RGL1: variants seen among roughly 807,000 people sequenced by gnomAD.
RGL1 encodes the protein ral guanine nucleotide dissociation stimulator like 1.
In RGL1, 24 loss-of-function variants were observed where a neutral mutation model predicts 95.2. That is an observed-to-expected ratio of 0.25 (90% confidence interval 0.18 to 0.35). The LOEUF is 0.35. RGL1 is among the 10% of genes least tolerant of loss of function. The probability of loss-of-function intolerance (pLI) is 1.00; values close to 1 mark genes in which losing one functional copy is unlikely to be tolerated. For synonymous variants in RGL1, 329 were observed against 344.9 expected, an observed-to-expected ratio of 0.95 and a Z score of 0.51; for missense variants, 715 against 936.3, an observed-to-expected ratio of 0.76 and a Z score of 3.08.
intron 2 of RGL1, among the ~76,000 whole-genome samples, chr1:183,775,037 T>G (rs1054497242): frequency 6.6e-6 from 1 of 152,200 alleles, no homozygotes; most frequent in Non-Finnish European, 1.5e-5. Context: ...TTCTCATACA[T>G]TATTACATTT....
intron 1 of RGL1, among the ~76,000 whole-genome samples, chr1:183,660,343 A>G (rs1306736134): frequency 6.6e-6 from 1 of 152,078 alleles, no homozygotes. Context: ...CAGAGGCTCA[A>G]AATAAAGGGA....
chr1:183,714,679 G>A (rs913392294), intron 1 of RGL1, among the ~76,000 whole-genome samples: 3 of 152,164 alleles, frequency 2.0e-5, no homozygotes, highest in African/African-American at 7.2e-5. Context: ...TCTTTCCATA[G>A]TACTGTCACA....
intron 16 of RGL1, among the ~76,000 whole-genome samples, chr1:183,916,937 A>G (rs1185454178): frequency 2.0e-5 from 3 of 152,230 alleles, no homozygotes; most frequent in Admixed American, 6.5e-5. Context: ...TATATAGGAT[A>G]TAATTTTCAC....
At chr1:183,798,675 T>G (rs1452683886) in intron 2 of RGL1, among the ~76,000 whole-genome samples, 1 of 152,084 alleles carries the variant, frequency 6.6e-6, no homozygotes, top group East Asian at 1.9e-4. Flanking sequence ...CTTGTATAAT[T>G]GAAACTTGGC....
At chr1:183,802,600 CAAAAAAA>C (rs34038144), upstream of RGL1, among the ~76,000 whole-genome samples, 9 of 90,070 alleles carry the variant, frequency 1.0e-4, no homozygotes, top group African/African-American at 3.2e-4. Context: ...GGTGTATCAG[CAAAAAAA>C]AAAAAAAAAA....
At chr1:183,717,892 A>G (rs575791049) in intron 1 of RGL1, among the ~76,000 whole-genome samples, 1 of 152,208 alleles carries the variant, frequency 6.6e-6, no homozygotes, top group African/African-American at 2.4e-5. Context: ...GAGCAAATAC[A>G]TCCTCTCAGG....
At chr1:183,851,040 A>G (rs1451739059) in intron 3 of RGL1, among the ~76,000 whole-genome samples, 1 of 152,172 alleles carries the variant, frequency 6.6e-6, no homozygotes, top group Non-Finnish European at 1.5e-5. Context: ...ATATTTTTTA[A>G]ATCTTTTCTT....
intron 1 of RGL1, among the ~76,000 whole-genome samples, chr1:183,675,822 T>TA (rs1652792905): frequency 6.6e-6 from 1 of 152,134 alleles, no homozygotes; most frequent in African/African-American, 2.4e-5. Context: ...GGTTGTGAAA[T>TA]AATTTTAATT....
intron 2 of RGL1, among the ~76,000 whole-genome samples, chr1:183,748,190 A>T (rs1430832718): frequency 6.6e-6 from 1 of 151,614 alleles, no homozygotes; most frequent in Non-Finnish European, 1.5e-5. Context: ...ATCATTTTTT[A>T]TTGTGTCTAT....
In RGL1 at chr1:183,880,674, C is replaced by T; in HGVS notation, c.484C>T (p.Pro162Ser). Residue 162 changes from proline (P) to serine (S), a missense_variant, in exon 5 of 18, where the codon CCC becomes TCC. Pro to Ser is a moderately conservative substitution (Grantham distance 74). Transcript: ENST00000360851. ...CCAGTGTGCAGAAGACTTCCGAGAG[C>T]CCCCTCACTTCCCTTGCTTACAGAA... is the stretch of plus-strand genomic sequence containing the variant. ...LDQCAEDFRE[P>S]PHFPCLQKLL... is the part of the protein sequence containing the mutation. 2 of 1,613,926 alleles carry T rather than the reference C, an allele frequency of 1.2e-6. No homozygotes were observed. The highest frequency in any genetic ancestry group is 1.7e-6 in the Non-Finnish European group (2 of 1,179,840).
rs569667699 is a variant in RGL1, at chr1:183,812,414, T to C, written c.138+5929T>C. 5.9e-5 allele frequency among the ~76,000 whole-genome samples: 9 copies of C among 152,312 alleles called. No homozygotes were observed. The South Asian group carries it at 1.9e-3, about 32-fold the overall frequency. ...TCCAGTGTGAACTCCCTCGCTGCTG[T>C]TGCATATTTCTATATGATTCTGTCA... On this transcript the variant is annotated intron_variant, in intron 2 of 17. Transcript: ENST00000360851.
chr1:183,712,038 A>G (rs1266117000), intron 1 of RGL1, among the ~76,000 whole-genome samples: 1 of 152,234 alleles, frequency 6.6e-6, no homozygotes, highest in East Asian at 1.9e-4. Context: ...TGTAATTAAA[A>G]TGAACATAAA....
At chr1:183,852,051 A>G (rs756702530) in intron 3 of RGL1, among the ~76,000 whole-genome samples, 7 of 152,328 alleles carry the variant, frequency 4.6e-5, no homozygotes, top group Middle Eastern at 3.4e-3. Context: ...TTGTGAAATT[A>G]ACACTGAGAC....
At chr1:183,819,823 C>T (rs954516809) in intron 2 of RGL1, among the ~76,000 whole-genome samples, 10 of 149,408 alleles carry the variant, frequency 6.7e-5, no homozygotes, top group East Asian at 5.8e-4. Context: ...CTTGTTCTGT[C>T]GCCCAGTCTG....
At chr1:183,868,505 C>T (rs991170783) in intron 4 of RGL1, among the ~76,000 whole-genome samples, 8 of 152,122 alleles carry the variant, frequency 5.3e-5, no homozygotes, top group Non-Finnish European at 1.0e-4. Flanking sequence ...GACTCTCAGG[C>T]CCCACTCAGA....
rs150367802 is a variant in RGL1, at chr1:183,849,482, A to AATTTTTTTTTTTTTTTTTTTTTTTTT, written c.347+1708_347+1709insATTTTTTTTTTTTTTTTTTTTTTTTT. Among the ~76,000 whole-genome samples, 14 of 99,360 alleles carry AATTTTTTTTTTTTTTTTTTTTTTTTT rather than the reference A, an allele frequency of 1.4e-4. 3 individuals carry two copies. The highest frequency in any genetic ancestry group is 2.1e-4 in the Non-Finnish European group (11 of 52,216). The allele number at this position is 99,360 out of a possible 152,430, so 65.2% of individuals were successfully genotyped here. A position where few individuals can be genotyped will look rare whatever the true frequency, so the allele number is the denominator to read the frequency against. ...GACATTTAAGTTTTCTCCAGTTTTT[A>AATTTTTTTTTTTTTTTTTTTTTTTTT]GTTTTTTTTTTTTTTTTTTTTTTTG... On this transcript the variant is annotated intron_variant, in intron 3 of 17. Coordinates refer to ENST00000360851, the MANE Select transcript of RGL1 (RefSeq NM_001297671.3).
intron 1 of RGL1, among the ~76,000 whole-genome samples, chr1:183,661,724 T>C (rs539562284): frequency 1.0e-4 from 15 of 150,136 alleles, no homozygotes; most frequent in Middle Eastern, 3.4e-3. Flanking sequence ...AGCATCATCC[T>C]GATATCAAAG....
intron 1 of RGL1, among the ~76,000 whole-genome samples, chr1:183,637,725 G>A (rs560521714): frequency 6.6e-6 from 1 of 152,194 alleles, no homozygotes; most frequent in African/African-American, 2.4e-5. Flanking sequence ...AAGTAACATT[G>A]TTTAAATTAA....
chr1:183,886,803 A>G (rs1331943915), intron 7 of RGL1, among the ~76,000 whole-genome samples: 3 of 152,116 alleles, frequency 2.0e-5, no homozygotes, highest in Non-Finnish European at 4.4e-5. Flanking sequence ...TTCTATTGAA[A>G]GGATATTTGA....
Sources: allele counts gnomAD v4.1 joint callset (sites outside exome capture counted in the v4.1 genomes callset), GRCh38; gene constraint gnomAD v4.1.1; transcripts MANE v1.5; gene names NCBI Gene and HGNC (gene_info 2026-07-23, HGNC 2026-07-21).